Variants in TAB2 observed in about 807,000 individuals in gnomAD.
TAB2 encodes the protein TGF-beta-activated kinase 1 and MAP3K7-binding protein 2.
In TAB2, 3 loss-of-function variants were observed where a neutral mutation model predicts 65.0. That is an observed-to-expected ratio of 0.05 (90% CI 0.02 to 0.12). The LOEUF (loss-of-function observed/expected upper bound fraction) is 0.12. Among genes scored for constraint, TAB2 ranks in the 10% least tolerant of loss-of-function variants. The pLI is 1.00. For missense variants in TAB2, 623 were observed against 840.3 expected, an observed-to-expected ratio of 0.74 and a Z score of 3.20; for synonymous variants, 298 against 285.1, an observed-to-expected ratio of 1.05 and a Z score of -0.46.
At chr6:149,365,949 A>G (rs575231056) in intron 1 of TAB2, among the ~76,000 whole-genome samples, 1 of 151,958 alleles carries the variant, frequency 6.6e-6, no homozygotes, top group East Asian at 1.9e-4. Context: ...TTAAATTTTT[A>G]TTTGCTTTAT....
At chr6:149,349,248 G>A (rs554926) in intron 1 of TAB2, among the ~76,000 whole-genome samples, 18,498 of 151,526 alleles carry the variant, frequency 0.12, 1,727 homozygotes, top group East Asian at 0.52. Context: ...GTGAAACCCC[G>A]TCTCTACTAA....
chr6:149,335,411 G>C (rs1357694241), intron 1 of TAB2, among the ~76,000 whole-genome samples: 1 of 151,844 alleles, frequency 6.6e-6, no homozygotes, highest in South Asian at 2.1e-4. Flanking sequence ...CTGTCACCCA[G>C]GCTGGAGGGC....
chr6:149,304,605 C>T (rs1359986106), intron 1 of TAB2, among the ~76,000 whole-genome samples: 1 of 152,158 alleles, frequency 6.6e-6, no homozygotes, highest in East Asian at 1.9e-4. Flanking sequence ...ACAGCAAAAG[C>T]CTAGGTCCCG....
chr6:149,246,972 C>G (rs1777732956), intron 1 of TAB2: 1 of 152,622 alleles, frequency 6.6e-6, no homozygotes, highest in African/African-American at 2.4e-5. Context: ...AGTCCCTGTT[C>G]AGCAGTCAGG....
rs374528854 is a variant in TAB2, at chr6:149,374,774, T to C, written c.103-3244T>C. On this transcript the variant is annotated intron_variant, in intron 2 of 6. Transcript: ENST00000637181. ...ATGGACTTCATCACATCCCTAGATATAACTACTAGTTTACAATGAAATGCA... is the reference window on the plus strand; with the variant it reads ...ATGGACTTCATCACATCCCTAGATACAACTACTAGTTTACAATGAAATGCA... Among the ~76,000 whole-genome samples, 47 of 152,320 alleles carry C rather than the reference T, an allele frequency of 3.1e-4. No individual in the cohort carries two copies. In the East Asian group the frequency reaches 5.0e-3, roughly 16 times the overall value.
At position 149,323,260 on chromosome 6, in the gene TAB2, T is replaced by A. The variant is rs529362585; in HGVS notation, c.-90+5245T>A. 3.9e-5 allele frequency among the ~76,000 whole-genome samples: 6 copies of A among 152,266 alleles called. 1 individual carries two copies. The South Asian group carries it at 1.2e-3, about 32-fold the overall frequency. On this transcript the variant is annotated intron_variant, in intron 1 of 6. Coordinates refer to ENST00000637181, the MANE Select transcript of TAB2 (RefSeq NM_001292034.3). ...TGAATCTAGCCAAAAGTTCAAAAAA[T>A]ATTCTAGAAATTGAGAGGAAGAAAT...
At chr6:149,321,852 T>G in intron 1 of TAB2, among the ~76,000 whole-genome samples, 1 of 152,146 alleles carries the variant, frequency 6.6e-6, no homozygotes, top group East Asian at 1.9e-4. Context: ...CACTTAAAAG[T>G]ACATTTGTTC....
chr6:149,311,975 C>T (rs1224532058), intron 1 of TAB2, among the ~76,000 whole-genome samples: 1 of 152,100 alleles, frequency 6.6e-6, no homozygotes, highest in Non-Finnish European at 1.5e-5. Context: ...CTGACCAATA[C>T]CATTCTGATT....
chr6:149,276,880 T>A (rs1283171254), intron 1 of TAB2, among the ~76,000 whole-genome samples: 2 of 152,202 alleles, frequency 1.3e-5, no homozygotes, highest in Non-Finnish European at 2.9e-5. Context: ...ATCATCTTGA[T>A]TTGTAGCTCC....
At chr6:149,267,453 G>C (rs764896858) in intron 1 of TAB2, among the ~76,000 whole-genome samples, 8 of 152,176 alleles carry the variant, frequency 5.3e-5, no homozygotes, top group Non-Finnish European at 1.0e-4. Context: ...ACAATAGCTT[G>C]ATAACTGGCA....
chr6:149,226,432 A>C (rs1315678799), intron 1 of TAB2, among the ~76,000 whole-genome samples: 1 of 152,058 alleles, frequency 6.6e-6, no homozygotes, highest in Non-Finnish European at 1.5e-5. Context: ...ATCCTCTCCA[A>C]TCCCTATTCC....
At chr6:149,329,678 G>A (rs1221870786) in intron 1 of TAB2, among the ~76,000 whole-genome samples, 1 of 123,016 alleles carries the variant, frequency 8.1e-6, no homozygotes, top group African/African-American at 3.0e-5. Context: ...GGGGGGCGGG[G>A]TTGGGGGGTG....
At chr6:149,351,155 T>A (rs1780477399) in intron 1 of TAB2, among the ~76,000 whole-genome samples, 1 of 152,152 alleles carries the variant, frequency 6.6e-6, no homozygotes, top group African/African-American at 2.4e-5. Context: ...TTTAAACACC[T>A]ATTATAACAC....
At chr6:149,329,169 A>G (rs796575332) in intron 1 of TAB2, among the ~76,000 whole-genome samples, 24 of 152,328 alleles carry the variant, frequency 1.6e-4, no homozygotes, top group African/African-American at 5.5e-4. Context: ...AAGTTCTTAA[A>G]TTAACATTCT....
chr6:149,401,330 A>G (rs1353762734), intron 6 of TAB2: 1 of 165,274 alleles, frequency 6.1e-6, no homozygotes, highest in African/African-American at 2.4e-5. Context: ...GACTCATTTT[A>G]TATTTAAAGA....
At chr6:149,392,988 GA>G (rs142050227) in intron 3 of TAB2, among the ~76,000 whole-genome samples, 6,464 of 152,182 alleles carry the variant, frequency 0.042, 464 homozygotes, top group African/African-American at 0.15. Flanking sequence ...TTTTTACAGC[GA>G]TTTTTAGAAA....
At chr6:149,374,176 G>A (rs1242414079) in intron 2 of TAB2, among the ~76,000 whole-genome samples, 1 of 152,162 alleles carries the variant, frequency 6.6e-6, no homozygotes, top group Non-Finnish European at 1.5e-5. Flanking sequence ...GTTGAAGAGA[G>A]CAAGCATTCA....
At chr6:149,381,025 T>A (rs1167150325) in intron 3 of TAB2, among the ~76,000 whole-genome samples, 1 of 152,142 alleles carries the variant, frequency 6.6e-6, no homozygotes, top group African/African-American at 2.4e-5. Context: ...GAGGACTGCT[T>A]GAGCCCAGAA....
intron 1 of TAB2, among the ~76,000 whole-genome samples, chr6:149,300,900 G>A (rs573603271): frequency 6.6e-6 from 1 of 152,318 alleles, no homozygotes; most frequent in East Asian, 1.9e-4. Flanking sequence ...TCCTGACTCA[G>A]CTACTCAAGC....
Sources: gnomAD v4.1 joint callset for allele counts (sites outside exome capture counted in the v4.1 genomes callset) on GRCh38, gnomAD v4.1.1 for gene constraint, MANE v1.5 for transcripts, NCBI Gene and HGNC (gene_info 2026-07-23, HGNC 2026-07-21) for gene names.